The following BPTF variants were observed in gnomAD, a reference collection of about 807,000 sequenced individuals.
BPTF encodes the protein nucleosome-remodeling factor subunit BPTF.
BPTF carries 18 observed loss-of-function variants against 292.5 expected under a neutral mutation model. The ratio of observed to expected loss-of-function variants is 0.06; its 90% CI spans 0.04 to 0.09. The LOEUF (loss-of-function observed/expected upper bound fraction) is 0.09. Ranked by LOEUF, BPTF falls within the 10% of genes least tolerant of loss-of-function variation. BPTF has a pLI of 1.00. For synonymous variants in BPTF, 1,225 were observed against 1,251.9 expected (o/e 0.98, Z 0.45); for missense variants, 2,726 against 3,498.7 (o/e 0.78, Z 5.57).
intron 3 of BPTF, among the ~76,000 whole-genome samples, chr17:67,872,642 G>T (rs1468546435): frequency 1.3e-5 from 2 of 152,050 alleles, no homozygotes; most frequent in South Asian, 2.1e-4. Flanking sequence ...GGAGGCAGAG[G>T]TTGCAGTGAG....
intron 23 of BPTF, among the ~76,000 whole-genome samples, chr17:67,949,698 T>C (rs555428576): frequency 2.2e-4 from 33 of 151,758 alleles, no homozygotes; most frequent in East Asian, 1.2e-3. Flanking sequence ...CATATATATA[T>C]ACACACATGT....
At position 67,909,724 on chromosome 17, in the gene BPTF, A is replaced by G; in HGVS notation, c.2955A>G (p.Glu985=). Residue 985 remains glutamate (E), a synonymous_variant, in exon 10 of 28, where the codon GAA becomes GAG. Transcript: ENST00000306378. ...SDAAKGADQN[E]MDISKITEKK... ...CTGCAAAAGGAGCAGACCAAAATGA[A>G]ATGGATATCTCAAAGATTACTGAGA... 6.3e-7 allele frequency: 1 copy of G among 1,588,068 alleles called. No individual in the cohort carries two copies. The highest frequency in any genetic ancestry group is 8.5e-7 in the Non-Finnish European group (1 of 1,170,716).
intron 1 of BPTF, among the ~76,000 whole-genome samples, chr17:67,842,922 C>T (rs1230659992): frequency 6.7e-6 from 1 of 150,012 alleles, no homozygotes; most frequent in Non-Finnish European, 1.5e-5. Flanking sequence ...GTCTTTAGGC[C>T]AAAGGAAATA....
At chr17:67,869,827 C>CAA (rs772941425) in intron 3 of BPTF, among the ~76,000 whole-genome samples, 120 of 56,416 alleles carry the variant, frequency 2.1e-3, no homozygotes, top group South Asian at 4.7e-3. Flanking sequence ...ACTAAAAATA[C>CAA]AAAAAAAAAA....
intron 26 of BPTF, among the ~76,000 whole-genome samples, chr17:67,968,943 T>C (rs2068450454): frequency 6.6e-6 from 1 of 150,872 alleles, no homozygotes. Flanking sequence ...ATCGCGCCAT[T>C]GCACTCCAGC....
Position 67,945,583 on chromosome 17 carries a change from A to C in BPTF, c.6875A>C (p.Glu2292Ala). 6.2e-7 allele frequency: 1 copy of C among 1,611,754 alleles called. No individual in the cohort carries two copies. Among genetic ancestry groups the C allele is most frequent in the Non-Finnish European group, 8.5e-7 (1 of 1,178,828 alleles). ...CAGCCCCAGTCCCCAGCTCAGCCTG[A>C]AGTTCAGACTCAGCCTGAAGTTCAG... ...QTQPQSPAQP[E>A]VQTQPEVQTQ... The change falls in exon 21 of 28, where the codon GAA becomes GCA. Residue 2292 changes from glutamate (E) to alanine (A), a missense_variant. By Grantham distance (107) the Glu-to-Ala change is moderately radical. Transcript: ENST00000306378.
At chr17:67,897,925 C>T (rs2061558062) in intron 7 of BPTF, among the ~76,000 whole-genome samples, 1 of 151,918 alleles carries the variant, frequency 6.6e-6, no homozygotes, top group South Asian at 2.1e-4. Context: ...TAATTAATAG[C>T]AAATAGGTGT....
chr17:67,964,729 G>GCA lies in BPTF; in HGVS notation c.8454+325_8454+326insCA, dbSNP rs879948832. On this transcript the variant is annotated intron_variant, in intron 25 of 27. Coordinates refer to ENST00000306378, the MANE Select transcript of BPTF (RefSeq NM_182641.4). ...ATTATAGTTGTTCTTGGCCGGGCAT[G>GCA]GTGGCTCATGCCTGTAATCCCAGCA... Among the ~76,000 whole-genome samples the GCA allele has an allele frequency of 5.2e-3, 791 of 152,260 alleles. 3 individuals carry two copies. The highest frequency in any genetic ancestry group is 9.2e-3 in the Non-Finnish European group (625 of 68,028).
intron 21 of BPTF, among the ~76,000 whole-genome samples, chr17:67,946,996 T>G (rs991425828): frequency 6.6e-6 from 1 of 152,206 alleles, no homozygotes; most frequent in Non-Finnish European, 1.5e-5. Context: ...GGATTTTAAG[T>G]GTTACCAAGT....
chr17:67,826,004 G>A lies in BPTF; in HGVS notation c.280G>A (p.Gly94Arg). ...CAGCACCAGCGCCCCGGGCCGGGGG[G>A]GGCGAGGAGGCGGGGGCGGCAGGAC... ...PPSTSAPGRG[G>R]RGGGGGRTGG... Residue 94 changes from glycine to arginine, a missense_variant, in exon 1 of 28, where the codon GGG becomes AGG. Physicochemically the swap from Gly to Arg is moderately radical, Grantham distance 125 (BLOSUM62 -2). This residue lies in a region of BPTF where 103 missense variants were observed against 72.1 expected (regional missense o/e 1.43). Coordinates refer to ENST00000306378, the MANE Select transcript of BPTF (RefSeq NM_182641.4). 1 of 1,162,308 alleles carries A rather than the reference G, an allele frequency of 8.6e-7. No homozygotes were observed. Among genetic ancestry groups the A allele is most frequent in the Non-Finnish European group, 1.1e-6 (1 of 941,900 alleles). The allele number at this position is 1,162,308 out of a possible 1,614,324, so 72.0% of individuals were successfully genotyped here.
chr17:67,891,619 A>AT (rs1440592229), intron 4 of BPTF: 8 of 359,902 alleles, frequency 2.2e-5, no homozygotes, highest in Admixed American at 1.4e-4. Context: ...GCATGTTTCA[A>AT]TTTTTTGTGG....
intron 7 of BPTF, among the ~76,000 whole-genome samples, chr17:67,897,789 A>G (rs1364184202): frequency 6.6e-6 from 1 of 152,220 alleles, no homozygotes; most frequent in Non-Finnish European, 1.5e-5. Context: ...AAACTTTTCT[A>G]CCAGAATAGA....
chr17:67,909,045 G>A (rs2062453362), intron 9 of BPTF, among the ~76,000 whole-genome samples: 1 of 151,808 alleles, frequency 6.6e-6, no homozygotes, highest in African/African-American at 2.4e-5. Context: ...ATGTTAGCCA[G>A]GCTGGTCTCA....
chr17:67,939,041 G>T (rs780555087), intron 18 of BPTF, among the ~76,000 whole-genome samples: 1 of 152,182 alleles, frequency 6.6e-6, no homozygotes, highest in Admixed American at 6.5e-5. Context: ...TAGGCACACA[G>T]AGCTGGCAGT....
intron 11 of BPTF, among the ~76,000 whole-genome samples, chr17:67,916,539 G>A (rs1161506194): frequency 1.3e-5 from 2 of 151,796 alleles, no homozygotes; most frequent in Non-Finnish European, 1.5e-5. Flanking sequence ...GCAGTGAGCC[G>A]AGATCGCGCC....
intron 27 of BPTF, among the ~76,000 whole-genome samples, chr17:67,980,246 G>A (rs1205787299): frequency 6.6e-6 from 1 of 152,130 alleles, no homozygotes; most frequent in East Asian, 1.9e-4. Context: ...TGGGGAGGCT[G>A]AGGCAGGAGA....
intron 27 of BPTF, among the ~76,000 whole-genome samples, chr17:67,978,958 T>C (rs551973138): frequency 2.6e-5 from 4 of 151,794 alleles, no homozygotes; most frequent in African/African-American, 9.7e-5. Flanking sequence ...AAGAGGATGC[T>C]TGAGCCCAGG....
chr17:67,924,404 C>A, intron 14 of BPTF, 143 bp from the exon 15 acceptor site: 1 of 864,190 alleles, frequency 1.2e-6, no homozygotes, highest in Non-Finnish European at 1.7e-6. Flanking sequence ...CATGAGCCAC[C>A]TCGCACAACC....
At position 67,975,994 on chromosome 17, in the gene BPTF, A is replaced by C. The variant is rs201333688; in HGVS notation, c.8726+36A>C. The C allele has an allele frequency of 2.6e-4, 395 of 1,503,616 alleles. 2 individuals carry two copies. In the African/African-American group the frequency reaches 5.0e-3, roughly 19 times the overall value. The allele number at this position is 1,503,616 out of a possible 1,614,324, so 93.1% of individuals were successfully genotyped here. A position where few individuals can be genotyped will look rare whatever the true frequency, so the allele number is the denominator to read the frequency against. On this transcript the variant is annotated intron_variant, in intron 27 of 27. Transcript: ENST00000306378. ...GGGTTCGGTATTCTGAATTAATTCA[A>C]CTCTTCACACTCTTTATACTATTCT...
Sources: gnomAD v4.1 joint callset for allele counts (sites outside exome capture counted in the v4.1 genomes callset) on GRCh38, gnomAD v4.1.1 for gene constraint, gnomAD v4.1.1 regional missense constraint, MANE v1.5 for transcripts, NCBI Gene and HGNC (gene_info 2026-07-23, HGNC 2026-07-21) for gene names.